PLEKHG1: variants seen among roughly 807,000 people sequenced by gnomAD.
PLEKHG1 encodes the protein pleckstrin homology and RhoGEF domain containing G1.
PLEKHG1 carries 44 observed loss-of-function variants against 100.8 expected under a neutral mutation model. The observed-to-expected ratio is 0.44, with a 90% confidence interval of 0.34 to 0.56. PLEKHG1 has a LOEUF of 0.56. Among genes scored for constraint, PLEKHG1 ranks in the 20% least tolerant of loss-of-function variants. PLEKHG1 has a pLI of 0.01. For synonymous variants in PLEKHG1, 640 were observed against 662.5 expected, an observed-to-expected ratio of 0.97 and a Z score of 0.52; for missense variants, 1,545 against 1,720.9, an observed-to-expected ratio of 0.90 and a Z score of 1.81.
intron 3 of PLEKHG1, among the ~76,000 whole-genome samples, chr6:150,653,574 G>C (rs1029356567): frequency 3.9e-5 from 6 of 152,046 alleles, no homozygotes; most frequent in Non-Finnish European, 8.8e-5. Flanking sequence ...AACACGGTGA[G>C]ACCCCATCTC....
At chr6:150,768,461 C>T (rs1784550016) in intron 2 of PLEKHG1, among the ~76,000 whole-genome samples, 177 bp from the exon 4 acceptor site, 1 of 152,226 alleles carries the variant, frequency 6.6e-6, no homozygotes, top group Non-Finnish European at 1.5e-5. Flanking sequence ...ACTCTTCGTT[C>T]TATAAATAGG....
chr6:150,820,686 G>T (rs1428961728), intron 12 of PLEKHG1, among the ~76,000 whole-genome samples: 1 of 152,024 alleles, frequency 6.6e-6, no homozygotes, highest in Non-Finnish European at 1.5e-5. Flanking sequence ...CCAACATGGT[G>T]AAACCCTATC....
Position 150,840,424 on chromosome 6 carries a change from C to G in PLEKHG1, c.3686C>G (p.Ser1229Trp), listed in dbSNP as rs774952763. ...GACTTGCTGCCAGATATTGCTGACT[C>G]GCATCAACAGGGCACTGAAAAACTC... Residue 1229 changes from serine (S) to tryptophan (W), a missense_variant, in exon 16 of 16, where the codon TCG becomes TGG. Transcript: ENST00000358517. The G allele has an allele frequency of 1.9e-6, 3 of 1,614,058 alleles. No homozygotes were observed. The highest frequency in any genetic ancestry group is 2.5e-6 in the Non-Finnish European group (3 of 1,179,936).
At chr6:150,730,679 G>T (rs1782201432) in intron 1 of PLEKHG1, among the ~76,000 whole-genome samples, 1 of 152,152 alleles carries the variant, frequency 6.6e-6, no homozygotes, top group African/African-American at 2.4e-5. Context: ...GAGGTGGGTG[G>T]ATCACCTGCG....
intron 7 of PLEKHG1, 119 bp downstream of exon 8, chr6:150,804,860 C>A: frequency 1.1e-6 from 1 of 916,434 alleles, no homozygotes. Flanking sequence ...CAGTGTAGTT[C>A]TCCCTGAAAA....
chr6:150,808,578 C>T (rs1787283139), intron 7 of PLEKHG1, among the ~76,000 whole-genome samples: 1 of 152,020 alleles, frequency 6.6e-6, no homozygotes, highest in Admixed American at 6.5e-5. Flanking sequence ...GGCAAAACCC[C>T]ATCTCGACTA....
chr6:150,748,138 T>C (rs1453473008), intron 2 of PLEKHG1, among the ~76,000 whole-genome samples: 1 of 152,220 alleles, frequency 6.6e-6, no homozygotes, highest in Non-Finnish European at 1.5e-5. Flanking sequence ...AATCAAACTA[T>C]CTGTCTTGTT....
chr6:150,755,666 C>T (rs1783795592), intron 2 of PLEKHG1, among the ~76,000 whole-genome samples: 1 of 152,082 alleles, frequency 6.6e-6, no homozygotes, highest in Non-Finnish European at 1.5e-5. Flanking sequence ...AGCTACGGAG[C>T]CTCAGCAAGG....
intron 7 of PLEKHG1, among the ~76,000 whole-genome samples, chr6:150,805,215 A>G (rs531862790): frequency 1.2e-4 from 18 of 152,222 alleles, no homozygotes; most frequent in Non-Finnish European, 4.4e-5. Flanking sequence ...GATTACAGGC[A>G]TGAGCCACCA....
At chr6:150,630,260 A>G (rs1424584167) in intron 1 of PLEKHG1, among the ~76,000 whole-genome samples, 1 of 152,244 alleles carries the variant, frequency 6.6e-6, no homozygotes, top group African/African-American at 2.4e-5. Context: ...GTATATGAGC[A>G]GAATTACTTT....
At chr6:150,679,188 G>A (rs146408339) in intron 3 of PLEKHG1, among the ~76,000 whole-genome samples, 2 of 152,324 alleles carry the variant, frequency 1.3e-5, no homozygotes, top group Non-Finnish European at 2.9e-5. Flanking sequence ...GGTTTGGCAT[G>A]AGTAAGCACC....
intron 1 of PLEKHG1, among the ~76,000 whole-genome samples, chr6:150,617,130 C>G (rs184421012): frequency 1.5e-3 from 221 of 152,182 alleles, no homozygotes; most frequent in African/African-American, 5.2e-3. Flanking sequence ...ACAGGAAATC[C>G]TTTGTAACAG....
chr6:150,624,770 A>G (rs1777442303), intron 1 of PLEKHG1: 1 of 152,206 alleles, frequency 6.6e-6, no homozygotes, highest in African/African-American at 2.4e-5. Flanking sequence ...AGTGAAGCCT[A>G]GAAATAAGGA....
intron 10 of PLEKHG1, among the ~76,000 whole-genome samples, chr6:150,815,712 T>TCGCCA (rs1339772252): frequency 4.6e-5 from 7 of 152,250 alleles, no homozygotes; most frequent in African/African-American, 1.7e-4. Context: ...CTAAACGTGA[T>TCGCCA]CGCCACTTAG....
chr6:150,807,878 A>G (rs570385200), intron 7 of PLEKHG1, among the ~76,000 whole-genome samples: 1 of 152,272 alleles, frequency 6.6e-6, no homozygotes, highest in East Asian at 1.9e-4. Context: ...CTGAGGCAGG[A>G]GAATCGCTTG....
intron 2 of PLEKHG1, among the ~76,000 whole-genome samples, chr6:150,755,037 G>A (rs953197707): frequency 2.6e-5 from 4 of 151,462 alleles, no homozygotes; most frequent in East Asian, 2.0e-4. Flanking sequence ...GTCCTGTGGC[G>A]TGATCATACC....
chr6:150,725,877 T>C (rs1315752513), intron 1 of PLEKHG1, among the ~76,000 whole-genome samples: 1 of 152,134 alleles, frequency 6.6e-6, no homozygotes, highest in Non-Finnish European at 1.5e-5. Context: ...TTATTCTTTT[T>C]GCATGTGATA....
chr6:150,755,268 G>A (rs1404411183), intron 2 of PLEKHG1, among the ~76,000 whole-genome samples: 3 of 152,116 alleles, frequency 2.0e-5, no homozygotes, highest in African/African-American at 2.4e-5. Context: ...GAGCCACCGC[G>A]CCTGGCCGGC....
intron 1 of PLEKHG1, among the ~76,000 whole-genome samples, chr6:150,637,190 C>T (rs1454816434): frequency 6.6e-6 from 1 of 152,142 alleles, no homozygotes; most frequent in African/African-American, 2.4e-5. Context: ...TTCTGAAAAC[C>T]TAAAGCCATT....
Sources: gnomAD v4.1 joint callset for allele counts (sites outside exome capture counted in the v4.1 genomes callset) on GRCh38, gnomAD v4.1.1 for gene constraint, MANE v1.5 for transcripts, NCBI Gene and HGNC (gene_info 2026-07-23, HGNC 2026-07-21) for gene names.